The following ADCY8 variants were observed in gnomAD, a reference collection of about 807,000 sequenced individuals.
ADCY8 encodes the protein adenylate cyclase 8.
In ADCY8, 51 loss-of-function variants were observed where a neutral mutation model predicts 119.7. The ratio of observed to expected loss-of-function variants is 0.43; its 90% CI spans 0.34 to 0.54. The LOEUF (loss-of-function observed/expected upper bound fraction) is 0.54, where lower values mean the gene tolerates loss of function less well. Among genes scored for constraint, ADCY8 ranks in the 20% least tolerant of loss-of-function variants. ADCY8 has a pLI of 0.03. For missense variants in ADCY8, 1,383 were observed against 1,598.8 expected, an observed-to-expected ratio of 0.87 and a Z score of 2.30; for synonymous variants, 665 against 651.0, an observed-to-expected ratio of 1.02 and a Z score of -0.33.
chr8:130,797,612 C>A lies in ADCY8; in HGVS notation c.3060+2814G>T, dbSNP rs116394104. The stretch of plus-strand genomic sequence containing the variant: ...ACAAGATACAAGAATATGGTCTCTA[C>A]CTTAGTGACCTTATGGCCTAGCATA... On this transcript the variant is annotated intron_variant, in intron 15 of 17. Transcript: ENST00000286355. 9.1e-3 allele frequency among the ~76,000 whole-genome samples: 1,379 copies of A among 152,262 alleles called. 16 individuals carry two copies. The highest frequency in any genetic ancestry group is 0.031 in the African/African-American group (1,301 of 41,536).
At chr8:130,902,599 C>A (rs1819638900) in intron 7 of ADCY8, among the ~76,000 whole-genome samples, 1 of 152,106 alleles carries the variant, frequency 6.6e-6, no homozygotes, top group South Asian at 2.1e-4. Context: ...CTCAGAGTGC[C>A]CCATCAAACT....
intron 1 of ADCY8, among the ~76,000 whole-genome samples, chr8:130,999,670 G>C (rs1352219765): frequency 6.6e-6 from 1 of 152,166 alleles, no homozygotes; most frequent in African/African-American, 2.4e-5. Context: ...GCTGTTGAAG[G>C]CTAGAAAGGC....
intron 15 of ADCY8, among the ~76,000 whole-genome samples, chr8:130,800,163 A>G (rs1244956063): frequency 6.6e-6 from 1 of 152,178 alleles, no homozygotes; most frequent in African/African-American, 2.4e-5. Context: ...TGCCTTTGCC[A>G]TCTGCCAGCT....
At chr8:130,835,722 C>T (rs1205375218) in intron 12 of ADCY8, among the ~76,000 whole-genome samples, 2 of 152,066 alleles carry the variant, frequency 1.3e-5, no homozygotes, top group African/African-American at 4.8e-5. Flanking sequence ...ATACATATCC[C>T]CCCCATGCTT....
intron 5 of ADCY8, among the ~76,000 whole-genome samples, chr8:130,928,089 A>G (rs768636883): frequency 2.0e-5 from 3 of 152,028 alleles, no homozygotes; most frequent in Admixed American, 6.6e-5. Context: ...GGGGAGGTCA[A>G]TTTGAAGAAC....
rs139113487 is a variant in ADCY8, at chr8:130,926,126, T to C, written c.1481+10947A>G. On this transcript the variant is annotated intron_variant, in intron 5 of 17. Transcript: ENST00000286355. ...TGGTAATCACCAAGGTCAGCTTCAATGCTTAACACACACACATGCACATAC... is the reference window on the plus strand; with the variant it reads ...TGGTAATCACCAAGGTCAGCTTCAACGCTTAACACACACACATGCACATAC... Among the ~76,000 whole-genome samples, 8 of 152,336 alleles carry C rather than the reference T, an allele frequency of 5.3e-5. No homozygotes were observed. The East Asian group carries it at 1.5e-3, about 29-fold the overall frequency.
intron 5 of ADCY8, among the ~76,000 whole-genome samples, chr8:130,919,285 A>C (rs1172063588): frequency 6.6e-6 from 1 of 151,946 alleles, no homozygotes; most frequent in African/African-American, 2.4e-5. Context: ...TTTTGTGTGC[A>C]TTATTTAACT....
At chr8:131,001,823 C>A (rs1040709642) in intron 1 of ADCY8, among the ~76,000 whole-genome samples, 20 of 151,960 alleles carry the variant, frequency 1.3e-4, no homozygotes, top group Admixed American at 2.6e-4. Context: ...CCCAGAGGAC[C>A]ATGAAGTATT....
At chr8:130,916,709 C>G (rs1415014862) in intron 5 of ADCY8, among the ~76,000 whole-genome samples, 1 of 152,258 alleles carries the variant, frequency 6.6e-6, no homozygotes, top group Non-Finnish European at 1.5e-5. Flanking sequence ...AAAGCATGAG[C>G]GATCTGTGCC....
At chr8:131,036,834 G>C (rs1051788303) in intron 1 of ADCY8, among the ~76,000 whole-genome samples, 1 of 152,032 alleles carries the variant, frequency 6.6e-6, no homozygotes, top group Non-Finnish European at 1.5e-5. Context: ...GAGAATACAA[G>C]AGAAGAGAAG....
chr8:130,793,358 G>A (rs894447118), intron 15 of ADCY8, among the ~76,000 whole-genome samples: 4 of 152,156 alleles, frequency 2.6e-5, no homozygotes, highest in African/African-American at 7.2e-5. Flanking sequence ...CACCAGGAAA[G>A]TCCTGGGTAA....
At position 130,787,943 on chromosome 8, in the gene ADCY8, C is replaced by T. The variant is rs138072911; in HGVS notation, c.3061-2468G>A. 7.4e-3 allele frequency among the ~76,000 whole-genome samples: 1,125 copies of T among 152,170 alleles called. 11 individuals are homozygous for T. The highest frequency in any genetic ancestry group is 0.021 in the African/African-American group (863 of 41,520). On this transcript the variant is annotated intron_variant, in intron 15 of 17. Transcript: ENST00000286355. ...TGCGTTTGTGTTCGGGGCAGTCAGG[C>T]GGCAGAGAAGGGGTGTCAAGAAAGT... is the stretch of plus-strand genomic sequence containing the variant.
chr8:130,995,412 C>T (rs1331200332), intron 1 of ADCY8, among the ~76,000 whole-genome samples: 4 of 152,030 alleles, frequency 2.6e-5, no homozygotes, highest in Admixed American at 2.6e-4. Context: ...TTAAACTCTA[C>T]CTTTTTGGTT....
At chr8:131,038,571 G>A (rs1302745724) in intron 1 of ADCY8, among the ~76,000 whole-genome samples, 1 of 151,976 alleles carries the variant, frequency 6.6e-6, no homozygotes, top group East Asian at 1.9e-4. Context: ...TATTTAAGGG[G>A]AAGAATAGAA....
At chr8:130,977,222 C>A (rs541705656) in intron 2 of ADCY8, among the ~76,000 whole-genome samples, 2 of 152,290 alleles carry the variant, frequency 1.3e-5, no homozygotes, top group South Asian at 4.1e-4. Context: ...CTTTTCACAC[C>A]AGCATTTAAC....
At chr8:130,863,362 T>A (rs1818008120) in intron 9 of ADCY8, among the ~76,000 whole-genome samples, 1 of 151,650 alleles carries the variant, frequency 6.6e-6, no homozygotes, top group Non-Finnish European at 1.5e-5. Flanking sequence ...ATACCTATAG[T>A]GGGCTTCTTG....
intron 2 of ADCY8, among the ~76,000 whole-genome samples, chr8:130,963,307 T>C (rs960483389): frequency 2.6e-5 from 4 of 151,836 alleles, no homozygotes; most frequent in Non-Finnish European, 4.4e-5. Context: ...TTAAGGGGAG[T>C]TTGTGGCTGC....
chr8:130,791,305 G>A (rs1279231996), intron 15 of ADCY8, among the ~76,000 whole-genome samples: 1 of 152,194 alleles, frequency 6.6e-6, no homozygotes, highest in African/African-American at 2.4e-5. Flanking sequence ...ATGCATGCCT[G>A]TGGGCCTCGG....
chr8:130,995,479 A>T (rs533840647), intron 1 of ADCY8, among the ~76,000 whole-genome samples: 1 of 152,304 alleles, frequency 6.6e-6, no homozygotes, highest in Admixed American at 6.5e-5. Flanking sequence ...TAAAATAGTA[A>T]AATGAAGACT....
Sources: allele counts gnomAD v4.1 joint callset (sites outside exome capture counted in the v4.1 genomes callset), GRCh38; gene constraint gnomAD v4.1.1; transcripts MANE v1.5; gene names NCBI Gene and HGNC (gene_info 2026-07-23, HGNC 2026-07-21).